Variants in DGLUCY observed in about 807,000 individuals in gnomAD.
DGLUCY encodes the protein D-glutamate cyclase, mitochondrial.
A neutral mutation model predicts 58.5 loss-of-function variants in DGLUCY; 58 were observed. That is an observed-to-expected ratio of 0.99 (90% CI 0.80 to 1.23). The LOEUF is 1.23. Ranked by LOEUF, DGLUCY falls within the 50% of genes most tolerant of loss-of-function variation. DGLUCY has a pLI of 0.00. For missense variants in DGLUCY, 779 were observed against 784.7 expected, an observed-to-expected ratio of 0.99 and a Z score of 0.09; for synonymous variants, 325 against 314.1, an observed-to-expected ratio of 1.03 and a Z score of -0.37.
At position 91,173,090 on chromosome 14, in the gene DGLUCY, A is replaced by G. The variant is rs568855143; in HGVS notation, c.457-199A>G. Among the ~76,000 whole-genome samples the G allele has an allele frequency of 3.3e-5, 5 of 152,298 alleles. No homozygotes were observed. In the East Asian group the frequency reaches 9.6e-4, roughly 29 times the overall value. ...CTACCAAAGGGGTCCGTGGCACACA[A>G]AAAGTTAAGATTCCCTATTTTAAAC... On this transcript the variant is annotated intron_variant, in intron 5 of 13. Coordinates refer to ENST00000256324, the MANE Select transcript of DGLUCY (RefSeq NM_001102368.3).
intron 8 of DGLUCY, among the ~76,000 whole-genome samples, chr14:91,181,937 G>A (rs755721299): frequency 9.3e-5 from 14 of 150,728 alleles, no homozygotes; most frequent in Non-Finnish European, 1.6e-4. Flanking sequence ...GAGCCACCAT[G>A]CCCAGCCTTG....
At chr14:91,091,089 T>C (rs1359051711) in intron 1 of DGLUCY, 1 of 152,238 alleles carries the variant, frequency 6.6e-6, no homozygotes, top group Non-Finnish European at 1.5e-5. Flanking sequence ...GTGTTACAAC[T>C]CTTTTACAAT....
intron 1 of DGLUCY, among the ~76,000 whole-genome samples, chr14:91,066,815 T>C (rs1243631515): frequency 6.6e-6 from 1 of 151,872 alleles, no homozygotes; most frequent in Non-Finnish European, 1.5e-5. Context: ...GCGCGGTGGC[T>C]CACGCCTGTA....
rs147492170 is a variant in DGLUCY, at chr14:91,225,385, A to G, written c.*552A>G. 2.6e-5 allele frequency: 4 copies of G among 152,366 alleles called. No homozygotes were observed. Among genetic ancestry groups the G allele is most frequent in the East Asian group, 1.9e-4 (1 of 5,184 alleles). 9.4% of individuals were successfully genotyped at this position (152,366 alleles called of 1,614,324 possible). A position where few individuals can be genotyped will look rare whatever the true frequency, so the allele number is the denominator to read the frequency against. On this transcript the variant is annotated 3_prime_UTR_variant, in exon 14 of 14. Coordinates refer to ENST00000256324, the MANE Select transcript of DGLUCY (RefSeq NM_001102368.3). ...GTACTCTTCGGAATATCGTGATGAAATCTCACACCATCCTGCTCCATCCTA... is the reference window on the plus strand; with the variant it reads ...GTACTCTTCGGAATATCGTGATGAAGTCTCACACCATCCTGCTCCATCCTA...
At chr14:91,214,739 A>G (rs192732419) in intron 12 of DGLUCY, among the ~76,000 whole-genome samples, 6 of 152,314 alleles carry the variant, frequency 3.9e-5, no homozygotes, top group Admixed American at 3.3e-4. Flanking sequence ...AATCCCAGCT[A>G]CTTGGGAGAC....
chr14:91,061,322 C>A (rs953939693), intron 1 of DGLUCY, among the ~76,000 whole-genome samples: 1 of 152,142 alleles, frequency 6.6e-6, no homozygotes, highest in African/African-American at 2.4e-5. Flanking sequence ...TCCCAGCTCC[C>A]GATGAGGAAT....
At chr14:91,191,522 C>T (rs1397298122) in intron 9 of DGLUCY, among the ~76,000 whole-genome samples, 1 of 152,192 alleles carries the variant, frequency 6.6e-6, no homozygotes, top group East Asian at 1.9e-4. Context: ...TGACGCCCCA[C>T]TCCCTAGAGC....
At chr14:91,124,120 G>T (rs1201942332) in intron 1 of DGLUCY, among the ~76,000 whole-genome samples, 4 of 151,836 alleles carry the variant, frequency 2.6e-5, no homozygotes, top group Middle Eastern at 3.4e-3. Context: ...TAGTGACGGG[G>T]TTTCACCATG....
At chr14:91,151,658 C>CTTT (rs772435841) in intron 1 of DGLUCY, among the ~76,000 whole-genome samples, 4 of 134,120 alleles carry the variant, frequency 3.0e-5, no homozygotes, top group South Asian at 2.3e-4. Context: ...CTTTTCTTTT[C>CTTT]TTTTTTTTTT....
intron 1 of DGLUCY, chr14:91,115,301 G>A (rs923297628): frequency 2.6e-5 from 4 of 152,992 alleles, no homozygotes; most frequent in African/African-American, 9.7e-5. Flanking sequence ...GGCTGGAGGG[G>A]TGGAGTGAAG....
In DGLUCY at chr14:91,224,558, A is replaced by G. The variant is rs984675509; in HGVS notation, c.1717-126A>G. The G allele has an allele frequency of 1.6e-5, 18 of 1,144,418 alleles. No individual in the cohort carries two copies. The African/African-American group carries it at 2.5e-4, about 16-fold the overall frequency. The allele number at this position is 1,144,418 out of a possible 1,614,324, so 70.9% of individuals were successfully genotyped here. A position where few individuals can be genotyped will look rare whatever the true frequency, so the allele number is the denominator to read the frequency against. On this transcript the variant is annotated intron_variant, in intron 13 of 13. Coordinates refer to ENST00000256324, the MANE Select transcript of DGLUCY (RefSeq NM_001102368.3). ...CCAATGGTATTAGTACTTTAAACCA[A>G]AATTTTACTTTTTTAAAAAGCAAGT...
At chr14:91,220,786 C>G (rs1311965972) in intron 13 of DGLUCY, 1 of 425,444 alleles carries the variant, frequency 2.4e-6, no homozygotes, top group Non-Finnish European at 4.8e-6. Context: ...TTGCCTGTGC[C>G]AGAGCCCAGG....
intron 12 of DGLUCY, among the ~76,000 whole-genome samples, chr14:91,209,952 G>C (rs79373214): frequency 0.04 from 6,118 of 152,190 alleles, 162 homozygotes; most frequent in South Asian, 0.11. Context: ...GATAAAGAGG[G>C]GGATTACATA....
intron 2 of DGLUCY, 56 bp from the exon 3 acceptor site, chr14:91,160,210 T>C: frequency 9.3e-7 from 1 of 1,075,142 alleles, no homozygotes; most frequent in Non-Finnish European, 1.4e-6. Context: ...AGGCTGAATC[T>C]GCTGCCTTCA....
intron 1 of DGLUCY, chr14:91,126,646 C>T (rs1378619727): frequency 1.9e-5 from 3 of 155,346 alleles, no homozygotes; most frequent in East Asian, 3.8e-4. Flanking sequence ...CTGCTTGAGC[C>T]CAGGAGTTTG....
At chr14:91,121,262 A>G (rs545909611) in intron 1 of DGLUCY, among the ~76,000 whole-genome samples, 12 of 152,358 alleles carry the variant, frequency 7.9e-5, no homozygotes, top group African/African-American at 2.9e-4. Context: ...AGTGCTCTGT[A>G]AATGGCAAAA....
intron 1 of DGLUCY, among the ~76,000 whole-genome samples, chr14:91,119,776 A>G (rs975394868): frequency 1.8e-4 from 28 of 152,324 alleles, no homozygotes; most frequent in African/African-American, 6.3e-4. Context: ...GGTGGGCACC[A>G]TATAATCAGC....
intron 1 of DGLUCY, among the ~76,000 whole-genome samples, chr14:91,135,745 A>G (rs1256347750): frequency 2.0e-5 from 3 of 150,212 alleles, no homozygotes; most frequent in Non-Finnish European, 4.4e-5. Context: ...CTTCTAGTTC[A>G]AATTAGTTGA....
In DGLUCY at chr14:91,176,025, G is replaced by A. The variant is rs149668017; in HGVS notation, c.699G>A (p.Pro233=). The A allele has an allele frequency of 2.1e-4, 342 of 1,613,972 alleles. No homozygotes were observed. In the African/African-American group the frequency reaches 4.2e-3, roughly 20 times the overall value. ...AGGTTCCAGTGTTCTGGCCTTCTCC[G>A]CTGACCAGTCTCGGAGCTGTCAGCA... ...PGEVPVFWPS[P]LTSLGAVSSC... The change falls in exon 7 of 14, where the codon CCG becomes CCA. Residue 233 remains proline (P), a synonymous_variant. Coordinates refer to ENST00000256324, the MANE Select transcript of DGLUCY (RefSeq NM_001102368.3).
Sources: gnomAD v4.1 joint callset for allele counts (sites outside exome capture counted in the v4.1 genomes callset) on GRCh38, gnomAD v4.1.1 for gene constraint, MANE v1.5 for transcripts, NCBI Gene and HGNC (gene_info 2026-07-23, HGNC 2026-07-21) for gene names.